The following PSTPIP2 variants were observed in gnomAD, a reference collection of about 807,000 sequenced individuals.
PSTPIP2 encodes proline-serine-threonine phosphatase-interacting protein 2.
PSTPIP2 carries 33 observed loss-of-function variants against 63.3 expected under a neutral mutation model. That is an observed-to-expected ratio of 0.52 (90% CI 0.40 to 0.70). The LOEUF (loss-of-function observed/expected upper bound fraction) is 0.70, where lower values mean the gene tolerates loss of function less well. PSTPIP2 is among the 30% of genes least tolerant of loss of function. The pLI, the probability that PSTPIP2 is intolerant of heterozygous loss-of-function variation, is 0.00. For missense variants in PSTPIP2, 312 were observed against 400.7 expected (o/e 0.78, Z 1.89); for synonymous variants, 125 against 132.7 (o/e 0.94, Z 0.40).
At chr18:45,989,398 C>T (rs1364399188) in intron 13 of PSTPIP2, among the ~76,000 whole-genome samples, 1 of 152,158 alleles carries the variant, frequency 6.6e-6, no homozygotes, top group Non-Finnish European at 1.5e-5. Context: ...TTCATTTTCT[C>T]TTGCCACCAC....
In PSTPIP2 at chr18:46,024,496, A is replaced by AT. The variant is rs529039247; in HGVS notation, c.212+112dup. The AT allele has an allele frequency of 8.8e-4, 762 of 868,574 alleles. 1 individual carries two copies. The highest frequency in any genetic ancestry group is 3.5e-3 in the African/African-American group (206 of 58,986). The allele number at this position is 868,574 out of a possible 1,614,324, so 53.8% of individuals were successfully genotyped here. On this transcript the variant is annotated intron_variant, in intron 3 of 14. Transcript: ENST00000409746. ...ATAGTGAGATCCCATCTCCAAAAAA[A>AT]TTTTTTTTTCAGCCAGCATACTTCA...
intron 3 of PSTPIP2, among the ~76,000 whole-genome samples, chr18:46,021,845 T>A (rs1185655442): frequency 3.7e-5 from 3 of 81,894 alleles, no homozygotes; most frequent in Non-Finnish European, 6.0e-5. Flanking sequence ...CGAGACTCTG[T>A]CTCAAAAAAA....
intron 2 of PSTPIP2, among the ~76,000 whole-genome samples, chr18:46,027,745 C>T (rs1907634367): frequency 6.6e-6 from 1 of 151,654 alleles, no homozygotes; most frequent in Non-Finnish European, 1.5e-5. Flanking sequence ...TTTAATTTCA[C>T]AGAAGAAAAA....
chr18:46,004,944 G>C (rs2051708819), intron 6 of PSTPIP2, among the ~76,000 whole-genome samples: 1 of 152,142 alleles, frequency 6.6e-6, no homozygotes. Context: ...TAATAGCAAA[G>C]ACACGGAATC....
chr18:46,065,144 C>CAAA (rs35144990), intron 1 of PSTPIP2, among the ~76,000 whole-genome samples: 12 of 80,778 alleles, frequency 1.5e-4, no homozygotes, highest in African/African-American at 1.8e-4. Flanking sequence ...AACTCTGTCT[C>CAAA]AAAAAAAAAA....
chr18:46,029,270 C>T, intron 2 of PSTPIP2: 1 of 1,369,246 alleles, frequency 7.3e-7, no homozygotes, highest in Non-Finnish European at 1.0e-6. Context: ...ATGGGTCCTT[C>T]TTGCTCATAA....
At chr18:46,022,345 A>G (rs1357437296) in intron 3 of PSTPIP2, among the ~76,000 whole-genome samples, 1 of 152,030 alleles carries the variant, frequency 6.6e-6, no homozygotes, top group Non-Finnish European at 1.5e-5. Context: ...GAGGAAGGCC[A>G]ATGTCCTATA....
At position 45,984,940 on chromosome 18, in the gene PSTPIP2, G is replaced by A. The variant is rs901045172; in HGVS notation, c.*519C>T. The A allele has an allele frequency of 6.3e-6, 1 of 157,490 alleles. No homozygotes were observed. 9.8% of individuals were successfully genotyped at this position (157,490 alleles called of 1,614,324 possible). On this transcript the variant is annotated 3_prime_UTR_variant, in exon 15 of 15. Transcript: ENST00000409746. ...CTGTAAGGAAATTAATTTCACACTT[G>A]TAGGCTTTATTTCCTCATCTGTAAA... is the stretch of plus-strand genomic sequence containing the variant.
chr18:46,017,988 T>C (rs904642244), intron 3 of PSTPIP2, among the ~76,000 whole-genome samples: 3 of 152,206 alleles, frequency 2.0e-5, no homozygotes, highest in African/African-American at 7.2e-5. Context: ...TGTTACTTAA[T>C]GCATCTCATC....
chr18:46,024,263 A>T (rs1277844278), intron 3 of PSTPIP2, among the ~76,000 whole-genome samples: 1 of 151,860 alleles, frequency 6.6e-6, no homozygotes, highest in African/African-American at 2.4e-5. Flanking sequence ...TCAGTCTCCC[A>T]AGTAGCTAGG....
chr18:46,021,717 G>A (rs1042498769), intron 3 of PSTPIP2, among the ~76,000 whole-genome samples: 3 of 151,424 alleles, frequency 2.0e-5, no homozygotes, highest in Non-Finnish European at 4.4e-5. Context: ...AGGCCAAGGC[G>A]GATGGATCAC....
intron 13 of PSTPIP2, chr18:45,989,566 A>G (rs117521775): frequency 0.04 from 6,121 of 152,952 alleles, 235 homozygotes; most frequent in East Asian, 0.15. Flanking sequence ...TTGAACATGG[A>G]TAGGTATATC....
intron 8 of PSTPIP2, among the ~76,000 whole-genome samples, chr18:45,998,244 A>G (rs1216061328): frequency 6.6e-6 from 1 of 152,218 alleles, no homozygotes; most frequent in African/African-American, 2.4e-5. Flanking sequence ...TCAAATGTAG[A>G]GATTAAGATG....
At chr18:46,048,611 A>G (rs1908466436) in intron 1 of PSTPIP2, among the ~76,000 whole-genome samples, 1 of 152,194 alleles carries the variant, frequency 6.6e-6, no homozygotes, top group African/African-American at 2.4e-5. Flanking sequence ...AATCATCAGG[A>G]AACGGGCAAA....
chr18:46,027,590 G>A (rs1012313947), intron 2 of PSTPIP2, among the ~76,000 whole-genome samples: 5 of 151,856 alleles, frequency 3.3e-5, no homozygotes, highest in Admixed American at 6.6e-5. Context: ...CTCAGGAGGC[G>A]GAGGTAGGAG....
chr18:46,000,008 A>G (rs535838633), intron 6 of PSTPIP2, among the ~76,000 whole-genome samples: 2 of 152,138 alleles, frequency 1.3e-5, no homozygotes, highest in Non-Finnish European at 2.9e-5. Context: ...GCATGGTGGC[A>G]CACACCTGTG....
At chr18:46,015,832 CA>C in intron 4 of PSTPIP2, 70 bp downstream of exon 4, 1 of 1,502,422 alleles carries the variant, frequency 6.7e-7, no homozygotes, top group Non-Finnish European at 9.1e-7. Context: ...CAAATTAAAA[CA>C]CACCTTTGAC....
intron 1 of PSTPIP2, among the ~76,000 whole-genome samples, chr18:46,047,878 G>A (rs970480309): frequency 7.2e-5 from 11 of 152,112 alleles, no homozygotes; most frequent in Non-Finnish European, 1.5e-4. Flanking sequence ...TATTTACATG[G>A]TTTCAAAATA....
intron 1 of PSTPIP2, among the ~76,000 whole-genome samples, chr18:46,067,027 C>CAA (rs35558747): frequency 1.8e-4 from 24 of 130,082 alleles, no homozygotes; most frequent in African/African-American, 5.8e-4. Context: ...AACTCCATCT[C>CAA]AAAAAAAAAA....
Sources: allele counts gnomAD v4.1 joint callset (sites outside exome capture counted in the v4.1 genomes callset), GRCh38; gene constraint gnomAD v4.1.1; transcripts MANE v1.5; gene names NCBI Gene and HGNC (gene_info 2026-07-23, HGNC 2026-07-21).